The following PPEF2 variants were observed in gnomAD, a reference collection of about 807,000 sequenced individuals.
PPEF2 encodes the protein protein phosphatase with EF-hand domain 2, also known as serine/threonine-protein phosphatase with EF-hands 2.
A neutral mutation model predicts 84.7 loss-of-function variants in PPEF2; 84 were observed. The observed-to-expected ratio is 0.99, with a 90% confidence interval of 0.83 to 1.19. The LOEUF is 1.19. PPEF2 is among the 50% of genes most tolerant of loss of function. The probability of loss-of-function intolerance (pLI) is 0.00; values close to 1 mark genes in which losing one functional copy is unlikely to be tolerated. For missense variants in PPEF2, 924 were observed against 937.5 expected, an observed-to-expected ratio of 0.99 and a Z score of 0.19; for synonymous variants, 346 against 345.2, an observed-to-expected ratio of 1.00 and a Z score of -0.03.
At position 75,866,287 on chromosome 4, in the gene PPEF2, G is replaced by A. The variant is rs774989139; in HGVS notation, c.1822C>T (p.Arg608Trp). The change falls in exon 15 of 17, where the codon CGG becomes TGG. Residue 608 changes from arginine (R) to tryptophan (W), a missense_variant. Physicochemically the swap from Arg to Trp is moderately radical, Grantham distance 101. Coordinates refer to ENST00000286719, the MANE Select transcript of PPEF2 (RefSeq NM_006239.3). ...ESVLHLGLPW[R>W]MLRPQLVNSS... is the part of the protein sequence containing the mutation. The stretch of plus-strand genomic sequence containing the variant: ...TTCACCAGCTGTGGCCTCAGCATCC[G>A]CCATGGCAGTCCTAGGTGCAACACA... 6 of 1,614,122 alleles carry A rather than the reference G, an allele frequency of 3.7e-6. No individual in the cohort carries two copies. The highest frequency in any genetic ancestry group is 2.2e-5 in the East Asian group (1 of 44,884).
rs71210219 is a variant in PPEF2 at position 75,877,041 on chromosome 4, A to AG, written c.934-369_934-368insC. ...AAGAAAGAAAGAAAGAAAGAAAGAA[A>AG]AGAAACAGAGAAGCCAGGTGCGGTG... On this transcript the variant is annotated intron_variant, in intron 10 of 16. Transcript: ENST00000286719. Among the ~76,000 whole-genome samples, 5 of 149,252 alleles carry AG rather than the reference A, an allele frequency of 3.4e-5. 1 individual carries two copies. Among genetic ancestry groups the AG allele is most frequent in the South Asian group, 2.1e-4 (1 of 4,726 alleles).
intron 8 of PPEF2, 74 bp downstream of exon 8, chr4:75,884,517 TAAG>T (rs1724669839): frequency 2.8e-6 from 4 of 1,421,236 alleles, no homozygotes; most frequent in Non-Finnish European, 1.9e-6. Context: ...ATTTAACAAA[TAAG>T]AAGTTCTGGA....
intron 16 of PPEF2, among the ~76,000 whole-genome samples, chr4:75,863,827 C>T (rs903048032): frequency 3.4e-4 from 51 of 151,404 alleles, no homozygotes; most frequent in African/African-American, 1.2e-3. Context: ...TACTTTGTGG[C>T]TATCTTCGAT....
intron 10 of PPEF2, 93 bp downstream of exon 10, chr4:75,882,833 T>A: frequency 7.3e-7 from 1 of 1,377,778 alleles, no homozygotes; most frequent in Non-Finnish European, 1.0e-6. Context: ...ACAGCCATAA[T>A]CAGTTGACTG....
chr4:75,893,540 G>A (rs80017076), intron 2 of PPEF2, among the ~76,000 whole-genome samples: 2,273 of 152,052 alleles, frequency 0.015, 60 homozygotes, highest in African/African-American at 0.052. Flanking sequence ...TGAATGAAAG[G>A]TCCAGGGCTG....
At chr4:75,871,888 T>C in intron 13 of PPEF2, 137 bp downstream of exon 13, 1 of 874,542 alleles carries the variant, frequency 1.1e-6, no homozygotes, top group South Asian at 1.9e-5. Flanking sequence ...ATTGTATTAA[T>C]AGAACTTCAT....
At chr4:75,896,868 CA>C (rs57486259) in intron 1 of PPEF2, among the ~76,000 whole-genome samples, 110,976 of 151,456 alleles carry the variant, frequency 0.73, 42,118 homozygotes, top group East Asian at 0.98. Context: ...CTCCATAGGC[CA>C]CACCTTTCTT....
chr4:75,878,285 G>A (rs1724478793), intron 10 of PPEF2, among the ~76,000 whole-genome samples: 1 of 152,186 alleles, frequency 6.6e-6, no homozygotes, highest in Admixed American at 6.5e-5. Context: ...TCTGATCAGG[G>A]GTCAGGCCAC....
At chr4:75,885,758 C>A (rs1019482122) in intron 7 of PPEF2, among the ~76,000 whole-genome samples, 3 of 152,038 alleles carry the variant, frequency 2.0e-5, no homozygotes, top group Admixed American at 6.5e-5. Context: ...CACCGGTAAT[C>A]CCAGCACTTT....
chr4:75,886,557 T>G (rs62318860), intron 7 of PPEF2, among the ~76,000 whole-genome samples: 6,608 of 151,492 alleles, frequency 0.044, 187 homozygotes, highest in Non-Finnish European at 0.062. Flanking sequence ...AAAGAAAAAG[T>G]GAAAAAAATA....
chr4:75,869,610 G>C (rs1359580386), intron 13 of PPEF2, among the ~76,000 whole-genome samples: 1 of 152,144 alleles, frequency 6.6e-6, no homozygotes, highest in East Asian at 1.9e-4. Flanking sequence ...ACTTTGGGAG[G>C]CCAAGGCAGG....
chr4:75,884,472 CT>C, intron 8 of PPEF2, 121 bp downstream of exon 8: 1 of 1,220,168 alleles, frequency 8.2e-7, no homozygotes, highest in Non-Finnish European at 1.1e-6. Flanking sequence ...GTGTATTCTG[CT>C]TTTTAAAAAA....
chr4:75,888,924 A>T (rs1336126073), intron 5 of PPEF2, among the ~76,000 whole-genome samples: 2 of 152,246 alleles, frequency 1.3e-5, no homozygotes, highest in African/African-American at 4.8e-5. Context: ...TTAAAAAACA[A>T]GTCAGGGCTG....
At chr4:75,886,797 G>T in intron 7 of PPEF2, 55 bp downstream of exon 7, 1 of 1,032,820 alleles carries the variant, frequency 9.7e-7, no homozygotes. Flanking sequence ...TACTGAATTT[G>T]AGCTTCTAAA....
rs974808841 is a variant in PPEF2 at position 75,882,967 on chromosome 4, T to C, written c.892A>G (p.Ile298Val). 3.7e-6 allele frequency: 6 copies of C among 1,614,078 alleles called. No individual in the cohort carries two copies. The highest frequency in any genetic ancestry group is 2.7e-5 in the African/African-American group (2 of 74,940). ...TTGTCCAAAAGCTCCAGATCAGTTATGTCTGACACCCCACCATGAAGAATT... is the reference window on the plus strand; with the variant it reads ...TTGTCCAAAAGCTCCAGATCAGTTACGTCTGACACCCCACCATGAAGAATT... ...VLILHGGVSD[I>V]TDLELLDKIE... is the part of the protein sequence containing the mutation. The change falls in exon 10 of 17, where the codon ATA becomes GTA. Residue 298 changes from isoleucine to valine, a missense_variant. Transcript: ENST00000286719.
chr4:75,897,783 C>T (rs1462416584), intron 1 of PPEF2, among the ~76,000 whole-genome samples: 1 of 152,060 alleles, frequency 6.6e-6, no homozygotes, highest in East Asian at 1.9e-4. Context: ...CCTAAAACAA[C>T]AACAACAACA....
At chr4:75,884,265 TA>T (rs1724661408) in intron 8 of PPEF2, among the ~76,000 whole-genome samples, 1 of 151,838 alleles carries the variant, frequency 6.6e-6, no homozygotes, top group Admixed American at 6.6e-5. Flanking sequence ...GCCCTGTCTC[TA>T]ATAATACAAA....
At chr4:75,871,150 C>G (rs1724262283) in intron 13 of PPEF2, among the ~76,000 whole-genome samples, 1 of 151,940 alleles carries the variant, frequency 6.6e-6, no homozygotes, top group Non-Finnish European at 1.5e-5. Context: ...AAACTCCTGA[C>G]CTCCAATCAT....
chr4:75,887,047 C>A, intron 6 of PPEF2, 149 bp from the exon 7 acceptor site: 1 of 455,930 alleles, frequency 2.2e-6, no homozygotes, highest in South Asian at 4.6e-5. Context: ...ATATTAATTT[C>A]TCCTTATTGC....
Sources: allele counts gnomAD v4.1 joint callset (sites outside exome capture counted in the v4.1 genomes callset), GRCh38; gene constraint gnomAD v4.1.1; transcripts MANE v1.5; gene names NCBI Gene and HGNC (gene_info 2026-07-23, HGNC 2026-07-21).